LHFPL3: variants seen among roughly 807,000 people sequenced by gnomAD.
The protein encoded by LHFPL3 is LHFPL tetraspan subfamily member 3 protein.
A neutral mutation model predicts 19.3 loss-of-function variants in LHFPL3; 5 were observed. That is an observed-to-expected ratio of 0.26 (90% CI 0.14 to 0.54). The LOEUF is 0.54. Among genes scored for constraint, LHFPL3 ranks in the 20% least tolerant of loss-of-function variants. The pLI, the probability that LHFPL3 is intolerant of heterozygous loss-of-function variation, is 0.94. For missense variants in LHFPL3, 249 were observed against 307.4 expected, an observed-to-expected ratio of 0.81 and a Z score of 1.42; for synonymous variants, 133 against 126.2, an observed-to-expected ratio of 1.05 and a Z score of -0.36.
At chr7:104,478,568 T>C in intron 1 of LHFPL3, among the ~76,000 whole-genome samples, 1 of 152,204 alleles carries the variant, frequency 6.6e-6, no homozygotes, top group East Asian at 1.9e-4. Flanking sequence ...CTGTGGCCAG[T>C]GGCTTATCCT....
At chr7:104,777,697 A>G (rs575817438) in intron 2 of LHFPL3, among the ~76,000 whole-genome samples, 47 of 151,934 alleles carry the variant, frequency 3.1e-4, no homozygotes, top group African/African-American at 9.2e-4. Flanking sequence ...TGTGGAGACC[A>G]TTTCACTGTC....
intron 2 of LHFPL3, chr7:104,796,933 T>C (rs1174069433): frequency 6.6e-6 from 1 of 152,652 alleles, no homozygotes; most frequent in African/African-American, 2.4e-5. Context: ...GCAGGGGAGT[T>C]ACTCCCAGAA....
intron 1 of LHFPL3, among the ~76,000 whole-genome samples, chr7:104,589,775 T>G (rs1790667458): frequency 3.3e-5 from 5 of 152,206 alleles, no homozygotes; most frequent in Admixed American, 3.3e-4. Flanking sequence ...TATTAATTAT[T>G]GCCTCAATTT....
chr7:104,870,372 C>G (rs1184990613), intron 2 of LHFPL3, among the ~76,000 whole-genome samples: 2 of 152,174 alleles, frequency 1.3e-5, no homozygotes, highest in Non-Finnish European at 2.9e-5. Context: ...CTTACCAACT[C>G]TGTGACCACA....
At chr7:104,634,699 T>C (rs77007390) in intron 1 of LHFPL3, among the ~76,000 whole-genome samples, 2,805 of 152,236 alleles carry the variant, frequency 0.018, 34 homozygotes, top group Non-Finnish European at 0.025. Flanking sequence ...TTTGAAGAAA[T>C]TGAGCCACAA....
At chr7:104,726,715 CT>C (rs1793598834) in intron 1 of LHFPL3, among the ~76,000 whole-genome samples, 2 of 152,170 alleles carry the variant, frequency 1.3e-5, no homozygotes, top group Non-Finnish European at 2.9e-5. Flanking sequence ...ACCACATTTT[CT>C]TTATCCAGTC....
intron 1 of LHFPL3, among the ~76,000 whole-genome samples, chr7:104,502,355 A>G (rs1420101990): frequency 1.3e-5 from 2 of 151,928 alleles, no homozygotes; most frequent in African/African-American, 2.4e-5. Flanking sequence ...TGAGTGCTTC[A>G]GTTTAAGAAC....
chr7:104,898,852 C>T (rs1407570465), intron 2 of LHFPL3, among the ~76,000 whole-genome samples: 1 of 152,062 alleles, frequency 6.6e-6, no homozygotes, highest in African/African-American at 2.4e-5. Flanking sequence ...CATGATGGCT[C>T]ATGCCTATAA....
intron 2 of LHFPL3, among the ~76,000 whole-genome samples, chr7:104,744,850 AT>A (rs1794010581): frequency 6.6e-6 from 1 of 152,030 alleles, no homozygotes; most frequent in Non-Finnish European, 1.5e-5. Flanking sequence ...TCCTTTGCCA[AT>A]TCCTCTCACA....
intron 2 of LHFPL3, among the ~76,000 whole-genome samples, chr7:104,884,394 C>T (rs1792110586): frequency 6.6e-6 from 1 of 152,164 alleles, no homozygotes; most frequent in South Asian, 2.1e-4. Context: ...AATCCTCTAC[C>T]TCGGTATTTC....
At chr7:104,461,057 A>G (rs1792652625) in intron 1 of LHFPL3, among the ~76,000 whole-genome samples, 1 of 152,228 alleles carries the variant, frequency 6.6e-6, no homozygotes. Flanking sequence ...TTATAAAGAA[A>G]GAGGTTTAAT....
At chr7:104,534,909 G>A (rs1316133876) in intron 1 of LHFPL3, among the ~76,000 whole-genome samples, 1 of 152,172 alleles carries the variant, frequency 6.6e-6, no homozygotes, top group Non-Finnish European at 1.5e-5. Flanking sequence ...TAACGAGCCT[G>A]TTGAAGATAG....
At chr7:104,586,403 A>G (rs1336560715) in intron 1 of LHFPL3, among the ~76,000 whole-genome samples, 1 of 152,096 alleles carries the variant, frequency 6.6e-6, no homozygotes, top group African/African-American at 2.4e-5. Context: ...ATCTGTGTGC[A>G]CAACTTTTAT....
At chr7:104,820,237 C>G (rs1007068919) in intron 2 of LHFPL3, among the ~76,000 whole-genome samples, 3 of 152,182 alleles carry the variant, frequency 2.0e-5, no homozygotes, top group African/African-American at 7.2e-5. Context: ...CAGGCAGCCT[C>G]TTCTGCAAGA....
At chr7:104,408,411 T>G (rs1791462272) in intron 1 of LHFPL3, among the ~76,000 whole-genome samples, 1 of 152,166 alleles carries the variant, frequency 6.6e-6, no homozygotes, top group Non-Finnish European at 1.5e-5. Context: ...TTGTGGTATT[T>G]ATACATACTA....
At chr7:104,554,631 T>TTAGATGGACAGA (rs1356801861) in intron 1 of LHFPL3, among the ~76,000 whole-genome samples, 1 of 141,810 alleles carries the variant, frequency 7.1e-6, no homozygotes, top group Non-Finnish European at 1.5e-5. Flanking sequence ...ATAGGATAGA[T>TTAGATGGACAGA]TAGATAGACA....
At chr7:104,424,991 A>G (rs1791813133) in intron 1 of LHFPL3, among the ~76,000 whole-genome samples, 1 of 150,216 alleles carries the variant, frequency 6.7e-6, no homozygotes, top group Non-Finnish European at 1.5e-5. Flanking sequence ...CATAAAAAAA[A>G]AAAAAAAAAA....
intron 1 of LHFPL3, among the ~76,000 whole-genome samples, chr7:104,457,012 C>T (rs745516624): frequency 3.3e-5 from 5 of 152,034 alleles, no homozygotes; most frequent in Admixed American, 6.6e-5. Flanking sequence ...AATATGGAAA[C>T]TCTGATTAAG....
intron 2 of LHFPL3, among the ~76,000 whole-genome samples, chr7:104,877,936 C>T (rs1269134835): frequency 1.3e-5 from 2 of 151,884 alleles, no homozygotes; most frequent in East Asian, 1.9e-4. Flanking sequence ...AGGGTTCAAG[C>T]GATTCCCCTG....
Sources: allele counts gnomAD v4.1 joint callset (sites outside exome capture counted in the v4.1 genomes callset), GRCh38; gene constraint gnomAD v4.1.1; transcripts MANE v1.5; gene names NCBI Gene and HGNC (gene_info 2026-07-23, HGNC 2026-07-21).